The following NRXN3 variants were observed in gnomAD, a reference collection of about 807,000 sequenced individuals.
NRXN3 encodes neurexin III.
A neutral mutation model predicts 137.6 loss-of-function variants in NRXN3; 32 were observed. That is an observed-to-expected ratio of 0.23 (90% CI 0.18 to 0.31). The LOEUF (loss-of-function observed/expected upper bound fraction) is 0.31, where lower values mean the gene tolerates loss of function less well. NRXN3 is among the 10% of genes least tolerant of loss of function. The pLI, the probability that NRXN3 is intolerant of heterozygous loss-of-function variation, is 1.00. For synonymous variants in NRXN3, 798 were observed against 784.5 expected, an observed-to-expected ratio of 1.02 and a Z score of -0.29; for missense variants, 1,574 against 2,062.5, an observed-to-expected ratio of 0.76 and a Z score of 4.59.
intron 16 of NRXN3, among the ~76,000 whole-genome samples, chr14:79,475,081 A>T (rs1354034440): frequency 3.3e-5 from 5 of 152,168 alleles, no homozygotes; most frequent in African/African-American, 7.2e-5. Context: ...ATGGAGGTAC[A>T]GCCAGACTGT....
chr14:78,821,967 CTTATCCATGACTTTGT>C (rs1033293448), intron 10 of NRXN3, among the ~76,000 whole-genome samples: 3 of 152,128 alleles, frequency 2.0e-5, no homozygotes, highest in African/African-American at 7.2e-5. Flanking sequence ...TACTCAGGTA[CTTATCCATGACTTTGT>C]TTATCCATCC....
At chr14:78,825,187 A>T (rs1173343564) in intron 10 of NRXN3, among the ~76,000 whole-genome samples, 1 of 122,624 alleles carries the variant, frequency 8.2e-6, no homozygotes, top group African/African-American at 3.2e-5. Flanking sequence ...ACAGAGCGAG[A>T]CTCTGCCTCA....
At chr14:79,305,617 G>T (rs977178176) in intron 15 of NRXN3, among the ~76,000 whole-genome samples, 1 of 152,018 alleles carries the variant, frequency 6.6e-6, no homozygotes, top group South Asian at 2.1e-4. Flanking sequence ...CTAGAACCCC[G>T]GGGATTAGTT....
intron 8 of NRXN3, among the ~76,000 whole-genome samples, chr14:78,729,839 GA>G (rs1480489893): frequency 6.6e-6 from 1 of 152,158 alleles, no homozygotes; most frequent in African/African-American, 2.4e-5. Context: ...CAGTGCCAAG[GA>G]AAAGGAGCTC....
chr14:79,544,270 T>C lies in NRXN3; in HGVS notation c.3444+76868T>C, dbSNP rs578132918. On this transcript the variant is annotated intron_variant, in intron 16 of 20. Coordinates refer to ENST00000335750, the MANE Select transcript of NRXN3 (RefSeq NM_001330195.2). ...ATAGCACAATACTAGGTACACAAAG[T>C]AGGCGAGCACAGGCTCCCTACCTTT... is the stretch of plus-strand genomic sequence containing the variant. Among the ~76,000 whole-genome samples, 8 of 152,266 alleles carry C rather than the reference T, an allele frequency of 5.3e-5. 1 individual carries two copies. The East Asian group carries it at 1.5e-3, about 29-fold the overall frequency.
At chr14:79,616,590 C>T (rs548759938) in intron 16 of NRXN3, among the ~76,000 whole-genome samples, 1 of 152,100 alleles carries the variant, frequency 6.6e-6, no homozygotes, top group Non-Finnish European at 1.5e-5. Context: ...GCAAAATAAT[C>T]TGTACACCAA....
chr14:79,518,296 T>C (rs1312796628), intron 16 of NRXN3, among the ~76,000 whole-genome samples: 2 of 152,166 alleles, frequency 1.3e-5, no homozygotes, highest in African/African-American at 4.8e-5. Context: ...TATATATAAA[T>C]TAGATAATGT....
chr14:78,615,613 A>AAAC (rs950377748), intron 4 of NRXN3, among the ~76,000 whole-genome samples: 5 of 151,684 alleles, frequency 3.3e-5, no homozygotes, highest in Non-Finnish European at 7.4e-5. Flanking sequence ...TCCATCTCAA[A>AAAC]AACAACAACA....
chr14:78,747,980 A>G (rs1400954115), intron 8 of NRXN3, among the ~76,000 whole-genome samples: 1 of 152,220 alleles, frequency 6.6e-6, no homozygotes, highest in Non-Finnish European at 1.5e-5. Context: ...ATTTTACATG[A>G]AAGAGAACAC....
At chr14:78,463,773 G>T (rs1283058240) in intron 4 of NRXN3, among the ~76,000 whole-genome samples, 2 of 117,234 alleles carry the variant, frequency 1.7e-5, no homozygotes, top group Admixed American at 8.8e-5. Context: ...TGTGGTTGTT[G>T]TTGGGATTTT....
At chr14:78,681,546 C>A (rs543465252) in intron 6 of NRXN3, among the ~76,000 whole-genome samples, 43 of 152,178 alleles carry the variant, frequency 2.8e-4, no homozygotes, top group South Asian at 6.2e-4. Flanking sequence ...TTTGATAATG[C>A]CAGAGGAGGA....
At chr14:79,131,947 GCTGT>G (rs762378897) in intron 15 of NRXN3, among the ~76,000 whole-genome samples, 17 of 152,258 alleles carry the variant, frequency 1.1e-4, no homozygotes, top group Non-Finnish European at 2.2e-4. Flanking sequence ...TTTTCCAGGT[GCTGT>G]CTGTCACCCC....
chr14:79,175,133 A>ACCATATGCGGC (rs2062194599), intron 15 of NRXN3, among the ~76,000 whole-genome samples: 1 of 151,638 alleles, frequency 6.6e-6, no homozygotes, highest in Admixed American at 6.6e-5. Flanking sequence ...GGCGCCCACC[A>ACCATATGCGGC]CCATATGCGG....
chr14:79,035,163 G>A (rs1403804425), intron 15 of NRXN3, among the ~76,000 whole-genome samples: 1 of 152,188 alleles, frequency 6.6e-6, no homozygotes, highest in Middle Eastern at 3.4e-3. Flanking sequence ...AAGCTAATTT[G>A]TTAAGTCCAT....
chr14:79,698,971 T>C (rs1464709247), intron 19 of NRXN3, among the ~76,000 whole-genome samples: 1 of 152,016 alleles, frequency 6.6e-6, no homozygotes, highest in African/African-American at 2.4e-5. Context: ...AGCTAGGTAA[T>C]GGTAAGTGTA....
intron 15 of NRXN3, among the ~76,000 whole-genome samples, chr14:79,081,708 A>G (rs1009923710): frequency 1.2e-4 from 18 of 152,200 alleles, no homozygotes; most frequent in African/African-American, 4.3e-4. Flanking sequence ...ATACGGTACA[A>G]AAATGCTCTT....
intron 16 of NRXN3, among the ~76,000 whole-genome samples, chr14:79,613,286 T>C (rs2098122777): frequency 6.6e-6 from 1 of 152,270 alleles, no homozygotes; most frequent in Non-Finnish European, 1.5e-5. Context: ...GGATAAAATT[T>C]GGGGCATTTA....
rs1422026134 is a variant in NRXN3 at position 79,861,887 on chromosome 14, C to T, written c.4639C>T (p.Leu1547Phe). The T allele has an allele frequency of 4.3e-6, 7 of 1,613,920 alleles. No homozygotes were observed. Among genetic ancestry groups the T allele is most frequent in the Admixed American group, 3.3e-5 (2 of 59,978 alleles). Residue 1547 changes from leucine to phenylalanine, a missense_variant, in exon 21 of 21, where the codon CTC (leucine) becomes TTC (phenylalanine). Coordinates refer to ENST00000335750, the MANE Select transcript of NRXN3 (RefSeq NM_001330195.2). This position sits in a 1 kb window ranked among gnomAD's most constrained non-coding sequence, Gnocchi z 5.4. ...ISNSAQSNGT[L>F]MKEKQQSSKS... is the part of the protein sequence containing the mutation. ...CAACTCCGCCCAGAGCAACGGCACG[C>T]TCATGAAGGAGAAGCAGCAGAGCTC...
Position 78,415,588 on chromosome 14 carries a change from G to C in NRXN3, c.757+117728G>C, listed in dbSNP as rs545815062. 1.1e-4 allele frequency among the ~76,000 whole-genome samples: 16 copies of C among 152,222 alleles called. No individual in the cohort carries two copies. In the East Asian group the frequency reaches 2.5e-3, roughly 24 times the overall value. On this transcript the variant is annotated intron_variant, in intron 4 of 20. Transcript: ENST00000335750. ...TCTCCTTGCTCAATTGTCTAACCCAGATTCTTACATGGTGACTAGATTTCA... is the reference window on the plus strand; with the variant it reads ...TCTCCTTGCTCAATTGTCTAACCCACATTCTTACATGGTGACTAGATTTCA...
Sources: allele counts gnomAD v4.1 joint callset (sites outside exome capture counted in the v4.1 genomes callset), GRCh38; gene constraint gnomAD v4.1.1; non-coding constraint Gnocchi (gnomAD v3.1); transcripts MANE v1.5; gene names NCBI Gene and HGNC (gene_info 2026-07-23, HGNC 2026-07-21).